Variants in CPED1 observed in about 807,000 individuals in gnomAD.
CPED1 encodes cadherin-like and PC-esterase domain-containing protein 1.
A neutral mutation model predicts 128.2 loss-of-function variants in CPED1; 114 were observed. That is an observed-to-expected ratio of 0.89 (90% CI 0.76 to 1.04). The LOEUF (loss-of-function observed/expected upper bound fraction) is 1.04, where lower values mean the gene tolerates loss of function less well. Ranked by LOEUF, CPED1 falls within the 50% of genes least tolerant of loss-of-function variation. The probability of loss-of-function intolerance (pLI) is 0.00; values close to 1 mark genes in which losing one functional copy is unlikely to be tolerated. For synonymous variants in CPED1, 462 were observed against 426.7 expected (o/e 1.08, Z -1.02); for missense variants, 1,211 against 1,207.1 (o/e 1.00, Z -0.05).
chr7:121,269,592 A>C (rs1792194629), intron 21 of CPED1, among the ~76,000 whole-genome samples: 1 of 152,070 alleles, frequency 6.6e-6, no homozygotes, highest in Admixed American at 6.6e-5. Flanking sequence ...ACAGTGGTTG[A>C]ATTAATTTAT....
intron 22 of CPED1, among the ~76,000 whole-genome samples, chr7:121,285,795 C>T (rs548925636): frequency 7.2e-5 from 11 of 152,262 alleles, no homozygotes; most frequent in African/African-American, 2.6e-4. Context: ...TCTGAGCACT[C>T]CAAGTCTCTA....
chr7:121,214,927 G>C (rs1797726437), intron 16 of CPED1, among the ~76,000 whole-genome samples: 1 of 151,958 alleles, frequency 6.6e-6, no homozygotes, highest in South Asian at 2.1e-4. Context: ...GCTTCAATGA[G>C]AGATGCAGTT....
chr7:121,071,251 T>C (rs1248473074), intron 5 of CPED1, among the ~76,000 whole-genome samples: 1 of 152,166 alleles, frequency 6.6e-6, no homozygotes, highest in Non-Finnish European at 1.5e-5. Context: ...TTCTTATCCC[T>C]GTACAATTCA....
intron 5 of CPED1, among the ~76,000 whole-genome samples, chr7:121,081,222 A>G (rs1794285806): frequency 6.6e-6 from 1 of 152,206 alleles, no homozygotes. Flanking sequence ...ACTCAAAATG[A>G]GAGTTGCAGC....
intron 16 of CPED1, among the ~76,000 whole-genome samples, chr7:121,220,773 T>C (rs1049016939): frequency 6.6e-6 from 1 of 152,042 alleles, no homozygotes; most frequent in African/African-American, 2.4e-5. Context: ...TCTGGCCTTC[T>C]ATTCTTAATC....
chr7:121,168,510 G>A (rs1211417397), intron 16 of CPED1, among the ~76,000 whole-genome samples: 2 of 152,124 alleles, frequency 1.3e-5, no homozygotes, highest in African/African-American at 2.4e-5. Context: ...ATGTTTTGAT[G>A]CAGGCATGGA....
chr7:121,256,515 A>G (rs1356942354), intron 18 of CPED1, among the ~76,000 whole-genome samples: 1 of 152,048 alleles, frequency 6.6e-6, no homozygotes, highest in African/African-American at 2.4e-5. Context: ...ATTTCATACC[A>G]GTCAGAATGG....
chr7:121,291,602 G>T (rs1323402270), intron 22 of CPED1, among the ~76,000 whole-genome samples: 2 of 152,092 alleles, frequency 1.3e-5, no homozygotes, highest in Non-Finnish European at 2.9e-5. Context: ...CACTCTGTTT[G>T]TCTATAATTG....
chr7:121,050,086 G>T (rs986463589), intron 4 of CPED1, among the ~76,000 whole-genome samples: 5 of 152,162 alleles, frequency 3.3e-5, no homozygotes, highest in African/African-American at 9.7e-5. Flanking sequence ...CTTCTGTTTT[G>T]TTGGTTATAA....
At position 120,989,718 on chromosome 7, in the gene CPED1, C is replaced by G. The variant is rs770351504; in HGVS notation, c.97C>G (p.Leu33Val). 11 of 1,613,830 alleles carry G rather than the reference C, an allele frequency of 6.8e-6. No homozygotes were observed. Among genetic ancestry groups the G allele is most frequent in the Non-Finnish European group, 9.3e-6 (11 of 1,180,018 alleles). ...GGCAATCTGTCTCTTCTACCAGACT[C>G]TGACCCTCCGAGGGTCGAGGAAGCT... Reference protein sequence around the residue: ...VVAICLFYQTLTLRGSRKLTA... With the variant: ...VVAICLFYQTVTLRGSRKLTA... The change falls in exon 2 of 23, where the codon CTG becomes GTG. Residue 33 changes from leucine to valine, a missense_variant. Transcript: ENST00000310396.
At chr7:121,123,939 C>G (rs537517435) in intron 7 of CPED1, among the ~76,000 whole-genome samples, 1 of 152,296 alleles carries the variant, frequency 6.6e-6, no homozygotes, top group South Asian at 2.1e-4. Context: ...GGCTTCACAT[C>G]TCTCTTGTTG....
At chr7:121,291,880 G>T (rs1327208200) in intron 22 of CPED1, among the ~76,000 whole-genome samples, 2 of 152,146 alleles carry the variant, frequency 1.3e-5, no homozygotes, top group African/African-American at 4.8e-5. Flanking sequence ...TCTTGTGCTG[G>T]TTTTCAAAGT....
At position 121,096,921 on chromosome 7, in the gene CPED1, A is replaced by G. The variant is rs183096539; in HGVS notation, c.617-778A>G. Among the ~76,000 whole-genome samples, 72 of 152,280 alleles carry G rather than the reference A, an allele frequency of 4.7e-4. 1 individual carries two copies. In the East Asian group the frequency reaches 0.014, roughly 29 times the overall value. On this transcript the variant is annotated intron_variant, in intron 5 of 22. Transcript: ENST00000310396. ...TTCATGTAGATACATTGATATTTAT[A>G]TTAATTACATCAACTTTTATATTGA...
intron 5 of CPED1, among the ~76,000 whole-genome samples, chr7:121,079,740 A>G (rs1018572128): frequency 1.3e-5 from 2 of 152,254 alleles, no homozygotes; most frequent in African/African-American, 4.8e-5. Context: ...TCTTTGGTAG[A>G]GTAAATTTCG....
Position 121,199,697 on chromosome 7 carries a change from A to AAAAGAAAGAAAGAAAGAAAGAAAGAAAG in CPED1, c.2056-36994_2056-36993insGAAAGAAAGAAAGAAAGAAAGAAAGAAA, listed in dbSNP as rs71170232. On this transcript the variant is annotated intron_variant, in intron 16 of 22. Coordinates refer to ENST00000310396, the MANE Select transcript of CPED1 (RefSeq NM_024913.5). The stretch of plus-strand genomic sequence containing the variant: ...TCAAAAAAAAAAAAAAAAAAAAAAA[A>AAAAGAAAGAAAGAAAGAAAGAAAGAAAG]AAAGAAAGAAAGAAAGAAAGAAAAG... Among the ~76,000 whole-genome samples, 113 of 41,742 alleles carry AAAAGAAAGAAAGAAAGAAAGAAAGAAAG rather than the reference A, an allele frequency of 2.7e-3. 1 individual carries two copies. The highest frequency in any genetic ancestry group is 4.8e-3 in the Admixed American group (11 of 2,304). 27.4% of individuals were successfully genotyped at this position (41,742 alleles called of 152,430 possible). A position where few individuals can be genotyped will look rare whatever the true frequency, so the allele number is the denominator to read the frequency against.
chr7:121,033,744 T>C (rs903097645), intron 3 of CPED1, among the ~76,000 whole-genome samples: 5 of 152,220 alleles, frequency 3.3e-5, no homozygotes, highest in African/African-American at 4.8e-5. Context: ...TATGAATAGA[T>C]GTGTAATCCT....
intron 11 of CPED1, among the ~76,000 whole-genome samples, chr7:121,129,305 A>ATG (rs1554438780): frequency 5.3e-4 from 3 of 5,616 alleles, no homozygotes; most frequent in Admixed American, 6.8e-3. Flanking sequence ...ATATATATAT[A>ATG]TATATACGTA....
chr7:121,234,920 T>A (rs1248359056), intron 16 of CPED1, among the ~76,000 whole-genome samples: 3 of 152,162 alleles, frequency 2.0e-5, no homozygotes, highest in Non-Finnish European at 2.9e-5. Flanking sequence ...TTTAGATTTA[T>A]CCTTATACAT....
chr7:121,199,591 C>A (rs1222276824), intron 16 of CPED1, among the ~76,000 whole-genome samples: 1 of 144,296 alleles, frequency 6.9e-6, no homozygotes, highest in South Asian at 2.2e-4. Flanking sequence ...GTGAGGGAAT[C>A]GCTTGAACCT....
Sources: allele counts gnomAD v4.1 joint callset (sites outside exome capture counted in the v4.1 genomes callset), GRCh38; gene constraint gnomAD v4.1.1; transcripts MANE v1.5; gene names NCBI Gene and HGNC (gene_info 2026-07-23, HGNC 2026-07-21).